ROBO1: variants seen among roughly 807,000 people sequenced by gnomAD.
ROBO1 encodes the protein roundabout homolog 1.
ROBO1 carries 149 observed loss-of-function variants against 195.9 expected under a neutral mutation model. The ratio of observed to expected loss-of-function variants is 0.76; its 90% confidence interval spans 0.67 to 0.87. ROBO1 has a LOEUF of 0.87. Ranked by LOEUF, ROBO1 falls within the 40% of genes least tolerant of loss-of-function variation. ROBO1 has a pLI of 0.00. For missense variants in ROBO1, 1,933 were observed against 2,068.3 expected, an observed-to-expected ratio of 0.93 and a Z score of 1.27; for synonymous variants, 816 against 733.2, an observed-to-expected ratio of 1.11 and a Z score of -1.82.
intron 2 of ROBO1, among the ~76,000 whole-genome samples, chr3:79,271,970 G>A (rs2030605438): frequency 6.6e-6 from 1 of 151,998 alleles, no homozygotes; most frequent in Admixed American, 6.6e-5. Context: ...TCTAATATGT[G>A]ATACTGACAT....
chr3:78,666,461 T>A (rs1169740996), intron 14 of ROBO1, among the ~76,000 whole-genome samples: 1 of 152,192 alleles, frequency 6.6e-6, no homozygotes. Context: ...TCAAAACCTT[T>A]CAGTTAGAGT....
intron 2 of ROBO1, among the ~76,000 whole-genome samples, chr3:79,475,240 A>G (rs1938491675): frequency 6.6e-6 from 1 of 151,968 alleles, no homozygotes; most frequent in South Asian, 2.1e-4. Context: ...AAGGGTCAGA[A>G]TCACAAACTA....
chr3:79,208,687 ATGTGTGTGTGTGTGTGTG>A (rs59970776), intron 2 of ROBO1, among the ~76,000 whole-genome samples: 2 of 145,214 alleles, frequency 1.4e-5, no homozygotes, highest in African/African-American at 5.1e-5. Context: ...GTGGTGGGGC[ATGTGTGTGTGTGTGTGTG>A]TGTGTGTGTG....
At chr3:79,308,953 T>G (rs1028420046) in intron 2 of ROBO1, among the ~76,000 whole-genome samples, 2 of 152,162 alleles carry the variant, frequency 1.3e-5, no homozygotes, top group Non-Finnish European at 2.9e-5. Flanking sequence ...GGAACAATGT[T>G]TAAATCTGAA....
At chr3:79,763,722 A>G (rs1442036793) in intron 1 of ROBO1, among the ~76,000 whole-genome samples, 1 of 152,140 alleles carries the variant, frequency 6.6e-6, no homozygotes, top group Non-Finnish European at 1.5e-5. Context: ...GCAGGGTGGC[A>G]GATAGGGGTG....
At chr3:79,494,404 T>A (rs1939621821) in intron 2 of ROBO1, among the ~76,000 whole-genome samples, 1 of 152,184 alleles carries the variant, frequency 6.6e-6, no homozygotes, top group African/African-American at 2.4e-5. Flanking sequence ...TGAAGTTTTA[T>A]AATTTTGTTT....
intron 4 of ROBO1, among the ~76,000 whole-genome samples, chr3:78,788,439 T>TAAA (rs1247453950): frequency 1.8e-5 from 2 of 110,372 alleles, no homozygotes; most frequent in Non-Finnish European, 3.7e-5. Flanking sequence ...TTTTTTTTTT[T>TAAA]TAAAAAAAAA....
At chr3:79,667,491 G>A (rs1366616358) in intron 1 of ROBO1, among the ~76,000 whole-genome samples, 1 of 151,814 alleles carries the variant, frequency 6.6e-6, no homozygotes, top group Non-Finnish European at 1.5e-5. Flanking sequence ...TTGTAAGAGA[G>A]TTGTCTTAAG....
intron 2 of ROBO1, among the ~76,000 whole-genome samples, chr3:79,334,352 GTA>G (rs896930328): frequency 2.7e-4 from 38 of 142,390 alleles, no homozygotes; most frequent in African/African-American, 5.4e-4. Context: ...ATGTATATAT[GTA>G]TATATATATG....
At chr3:78,711,407 CTT>C (rs1270441476) in intron 8 of ROBO1, among the ~76,000 whole-genome samples, 1 of 69,074 alleles carries the variant, frequency 1.4e-5, no homozygotes, top group Non-Finnish European at 2.8e-5. Context: ...TCCTTTCTTT[CTT>C]TCTTTCTTTC....
intron 2 of ROBO1, among the ~76,000 whole-genome samples, chr3:79,348,507 G>A (rs1348138039): frequency 6.6e-6 from 1 of 152,160 alleles, no homozygotes; most frequent in African/African-American, 2.4e-5. Flanking sequence ...AAACACAACT[G>A]TGGAAAAATT....
At position 78,634,086 on chromosome 3, in the gene ROBO1, T is replaced by C. The variant is rs551262188; in HGVS notation, c.3374-44A>G. 79 of 1,304,174 alleles carry C rather than the reference T, an allele frequency of 6.1e-5. No homozygotes were observed. In the South Asian group the frequency reaches 9.2e-4, roughly 15 times the overall value. 80.8% of individuals were successfully genotyped at this position (1,304,174 alleles called of 1,614,324 possible). A position where few individuals can be genotyped will look rare whatever the true frequency, so the allele number is the denominator to read the frequency against. ...AAAACAATAAACATTTATTTTCTCT[T>C]CATGAGCGATTTCACATCTCTGCTT... On this transcript the variant is annotated intron_variant, in intron 23 of 30. Transcript: ENST00000464233.
intron 5 of ROBO1, among the ~76,000 whole-genome samples, chr3:78,726,885 A>T (rs2082174287): frequency 6.6e-6 from 1 of 152,058 alleles, no homozygotes; most frequent in African/African-American, 2.4e-5. Flanking sequence ...TTTGGCATCA[A>T]ATTAGTAACA....
chr3:79,076,456 G>A (rs2079176015), intron 3 of ROBO1, among the ~76,000 whole-genome samples: 1 of 151,138 alleles, frequency 6.6e-6, no homozygotes, highest in African/African-American at 2.4e-5. Flanking sequence ...AATAAGAATG[G>A]GGAAACTAAA....
At chr3:78,951,779 A>AGT (rs2040806524) in intron 3 of ROBO1, among the ~76,000 whole-genome samples, 2 of 152,256 alleles carry the variant, frequency 1.3e-5, no homozygotes, top group Admixed American at 1.3e-4. Flanking sequence ...TATACACGTA[A>AGT]GTGCTAAGTA....
intron 3 of ROBO1, among the ~76,000 whole-genome samples, chr3:79,110,262 T>C (rs190583861): frequency 8.9e-4 from 136 of 152,084 alleles, no homozygotes; most frequent in Non-Finnish European, 1.4e-3. Flanking sequence ...AATATTTATA[T>C]AATACTATAT....
intron 1 of ROBO1, 143 bp from the exon 2 acceptor site, chr3:79,590,104 A>G: frequency 2.0e-6 from 1 of 497,286 alleles, no homozygotes; most frequent in Non-Finnish European, 3.6e-6. Flanking sequence ...TAAAATGAAT[A>G]TGAATTGTAT....
intron 3 of ROBO1, among the ~76,000 whole-genome samples, chr3:78,940,550 A>G (rs1443134410): frequency 6.6e-6 from 1 of 152,210 alleles, no homozygotes; most frequent in East Asian, 1.9e-4. Flanking sequence ...TACCTTGCGC[A>G]TCCTCCTGCA....
At chr3:79,641,561 A>G (rs1055740688) in intron 1 of ROBO1, among the ~76,000 whole-genome samples, 4 of 151,682 alleles carry the variant, frequency 2.6e-5, no homozygotes, top group African/African-American at 9.7e-5. Flanking sequence ...AATAAATAAT[A>G]AATAAAAAAA....
Sources: allele counts gnomAD v4.1 joint callset (sites outside exome capture counted in the v4.1 genomes callset), GRCh38; gene constraint gnomAD v4.1.1; transcripts MANE v1.5; gene names NCBI Gene and HGNC (gene_info 2026-07-23, HGNC 2026-07-21).